NYAP2: variants seen among roughly 807,000 people sequenced by gnomAD.
NYAP2 encodes the protein neuronal tyrosine-phosphorylated phosphoinositide-3-kinase adaptor 2.
NYAP2 carries 23 observed loss-of-function variants against 50.4 expected under a neutral mutation model. That is an observed-to-expected ratio of 0.46 (90% CI 0.33 to 0.65). The LOEUF is 0.65. Ranked by LOEUF, NYAP2 falls within the 30% of genes least tolerant of loss-of-function variation. The pLI is 0.02. For synonymous variants in NYAP2, 394 were observed against 365.2 expected (o/e 1.08, Z -0.90); for missense variants, 885 against 861.0 (o/e 1.03, Z -0.35).
At chr2:225,568,384 T>C (rs1352123918) in intron 4 of NYAP2, among the ~76,000 whole-genome samples, 1 of 152,136 alleles carries the variant, frequency 6.6e-6, no homozygotes. Flanking sequence ...CTCTCACCAC[T>C]CTCCTTTTAT....
the NYAP2 span, among the ~76,000 whole-genome samples, chr2:225,680,426 C>T: frequency 1.5e-4 from 23 of 152,212 alleles, no homozygotes; most frequent in African/African-American, 5.5e-4. Context: ...TATGGCACTG[C>T]TCCCTGCATT....
chr2:225,549,245 G>A (rs1691633418), intron 4 of NYAP2, among the ~76,000 whole-genome samples: 1 of 152,088 alleles, frequency 6.6e-6, no homozygotes, highest in Non-Finnish European at 1.5e-5. Context: ...CTATTTCCTA[G>A]TTTATAGATG....
intron 3 of NYAP2, among the ~76,000 whole-genome samples, chr2:225,445,732 G>T (rs1019528023): frequency 1.3e-5 from 2 of 152,004 alleles, no homozygotes; most frequent in Non-Finnish European, 2.9e-5. Context: ...TTGGTGCTGG[G>T]CTAAATTAAG....
At position 225,530,046 on chromosome 2, in the gene NYAP2, A is replaced by AT. The variant is rs1385247865; in HGVS notation, c.523+16379dup. Reference sequence around the variant, plus strand: ...TTTAGAGAGTATACCTGACAAAAACATTTTTCCCATTTGATAATATAAAGC... The same window carrying AT: ...TTTAGAGAGTATACCTGACAAAAACATTTTTTCCCATTTGATAATATAAAGC... On this transcript the variant is annotated intron_variant, in intron 4 of 6. Coordinates refer to ENST00000636099, the Ensembl canonical transcript of NYAP2. Among the ~76,000 whole-genome samples, 5 of 152,150 alleles carry AT rather than the reference A, an allele frequency of 3.3e-5. No homozygotes were observed. The South Asian group carries it at 1.0e-3, about 32-fold the overall frequency.
At chr2:225,620,395 G>A (rs905974591) in intron 5 of NYAP2, among the ~76,000 whole-genome samples, 2 of 149,362 alleles carry the variant, frequency 1.3e-5, no homozygotes, top group African/African-American at 2.5e-5. Context: ...ACGCACGCAC[G>A]CACACACGCG....
intron 6 of NYAP2, among the ~76,000 whole-genome samples, chr2:225,650,986 T>C (rs1693721187): frequency 6.6e-6 from 1 of 152,224 alleles, no homozygotes; most frequent in South Asian, 2.1e-4. Flanking sequence ...AATGTTACAT[T>C]GAAAACATGA....
intron 3 of NYAP2, among the ~76,000 whole-genome samples, chr2:225,422,417 A>G (rs770882938): frequency 1.6e-4 from 24 of 152,110 alleles, no homozygotes; most frequent in Non-Finnish European, 2.8e-4. Flanking sequence ...CCAATAATAC[A>G]TGCCATGAGG....
At chr2:225,664,578 C>T in the NYAP2 span, among the ~76,000 whole-genome samples, 3 of 151,880 alleles carry the variant, frequency 2.0e-5, no homozygotes, top group Non-Finnish European at 4.4e-5. Context: ...GAGAATAGAA[C>T]TGAAATGCGG....
chr2:225,420,574 G>A (rs111914042), intron 3 of NYAP2, among the ~76,000 whole-genome samples: 78 of 151,068 alleles, frequency 5.2e-4, no homozygotes, highest in African/African-American at 1.8e-3. Flanking sequence ...TTTTTGCACA[G>A]GGAAAGAGGA....
intron 3 of NYAP2, among the ~76,000 whole-genome samples, chr2:225,441,969 A>G (rs1437957402): frequency 6.6e-6 from 1 of 152,174 alleles, no homozygotes; most frequent in Non-Finnish European, 1.5e-5. Flanking sequence ...AATGGCTACT[A>G]TCATCATCAC....
At position 225,404,622 on chromosome 2, in the gene NYAP2, A is replaced by G. The variant is rs545606974; in HGVS notation, c.-18+3579A>G. ...ATTTAGCTGGGTGGAATGAAATTTC[A>G]AATTTTGGAAAGTGTCACAGTATTA... is the stretch of plus-strand genomic sequence containing the variant. On this transcript the variant is annotated intron_variant, in intron 2 of 6. Coordinates refer to ENST00000636099, the Ensembl canonical transcript of NYAP2. 9.2e-5 allele frequency among the ~76,000 whole-genome samples: 14 copies of G among 152,138 alleles called. No homozygotes were observed. In the South Asian group the frequency reaches 2.9e-3, roughly 32 times the overall value.
At chr2:225,547,538 C>A (rs144805622) in intron 4 of NYAP2, among the ~76,000 whole-genome samples, 1 of 152,192 alleles carries the variant, frequency 6.6e-6, no homozygotes, top group African/African-American at 2.4e-5. Context: ...GGTCTAAATG[C>A]GCCCTCTGGG....
intron 6 of NYAP2, among the ~76,000 whole-genome samples, chr2:225,643,320 C>T (rs1044585271): frequency 6.6e-6 from 1 of 152,122 alleles, no homozygotes; most frequent in Admixed American, 6.5e-5. Flanking sequence ...AAGGATTTCC[C>T]ATGTTCCTTG....
chr2:225,477,231 CTTTTTT>C (rs11378712), intron 3 of NYAP2, among the ~76,000 whole-genome samples: 5 of 87,474 alleles, frequency 5.7e-5, no homozygotes, highest in East Asian at 8.1e-4. Flanking sequence ...GTCTCTATTT[CTTTTTT>C]TTTTTTTTTT....
chr2:225,501,868 T>C (rs899688748), intron 3 of NYAP2, among the ~76,000 whole-genome samples: 1 of 152,046 alleles, frequency 6.6e-6, no homozygotes, highest in African/African-American at 2.4e-5. Flanking sequence ...CACAGACCAG[T>C]GGAGGAGATC....
chr2:225,581,468 G>T (rs1559220666), intron 4 of NYAP2, among the ~76,000 whole-genome samples: 1 of 152,206 alleles, frequency 6.6e-6, no homozygotes, highest in Non-Finnish European at 1.5e-5. Flanking sequence ...TATCCTAAAT[G>T]CAAGCAAGAT....
In NYAP2 at chr2:225,639,910, C is replaced by T. The variant is rs71429169; in HGVS notation, c.1829-11522C>T. Among the ~76,000 whole-genome samples the T allele has an allele frequency of 4.4e-3, 669 of 152,074 alleles. 3 individuals are homozygous for T. The highest frequency in any genetic ancestry group is 6.5e-3 in the Admixed American group (100 of 15,268). ...GAGGAAGAGCAATCAAGGAAGAGGACGTAGTAGATGCCAGAACTCTGTGAC... is the reference window on the plus strand; with the variant it reads ...GAGGAAGAGCAATCAAGGAAGAGGATGTAGTAGATGCCAGAACTCTGTGAC... On this transcript the variant is annotated intron_variant, in intron 6 of 6. Coordinates refer to ENST00000636099, the Ensembl canonical transcript of NYAP2.
chr2:225,626,876 T>G lies in NYAP2; in HGVS notation c.1619-41T>G, dbSNP rs1389190668. ...TTTTGAAAGTAATTTAGGAAGAACTTTACTCTTGTTTAACAGAATGTAATT... is the reference window on the plus strand; with the variant it reads ...TTTTGAAAGTAATTTAGGAAGAACTGTACTCTTGTTTAACAGAATGTAATT... On this transcript the variant is annotated intron_variant, in intron 5 of 6. Coordinates refer to ENST00000636099, the Ensembl canonical transcript of NYAP2. The G allele has an allele frequency of 2.8e-6, 4 of 1,425,902 alleles. No individual in the cohort carries two copies. In the Admixed American group the frequency reaches 8.1e-5, roughly 29 times the overall value. 88.3% of individuals were successfully genotyped at this position (1,425,902 alleles called of 1,614,324 possible).
chr2:225,653,784 C>G (rs1264727179), exon 7 of NYAP2: 1 of 152,358 alleles, frequency 6.6e-6, no homozygotes, highest in African/African-American at 2.4e-5. Context: ...CTCTGGGAGG[C>G]AGAGGTGGGT....
Sources: allele counts gnomAD v4.1 joint callset (sites outside exome capture counted in the v4.1 genomes callset), GRCh38; gene constraint gnomAD v4.1.1; transcripts MANE v1.5; gene names NCBI Gene and HGNC (gene_info 2026-07-23, HGNC 2026-07-21).